The following BOD1 variants were observed in gnomAD, a reference collection of about 807,000 sequenced individuals.
The protein encoded by BOD1 is biorientation of chromosomes in cell division protein 1.
Under a neutral mutation model 15.7 loss-of-function variants are expected in BOD1, and 11 were observed. That is an observed-to-expected ratio of 0.70 (90% CI 0.44 to 1.16). The LOEUF (loss-of-function observed/expected upper bound fraction) is 1.16. Among genes scored for constraint, BOD1 ranks in the 50% most tolerant of loss-of-function variants. The pLI is 0.00. For missense variants in BOD1, 182 were observed against 244.5 expected (o/e 0.74, Z 1.70); for synonymous variants, 105 against 103.5 (o/e 1.01, Z -0.09).
At position 173,608,135 on chromosome 5, in the gene BOD1, A is replaced by G; in HGVS notation, c.*159T>C. 3 of 858,508 alleles carry G rather than the reference A, an allele frequency of 3.5e-6. No homozygotes were observed. Among genetic ancestry groups the G allele is most frequent in the Admixed American group, 2.0e-5 (1 of 49,980 alleles). The allele number at this position is 858,508 out of a possible 1,614,324, so 53.2% of individuals were successfully genotyped here. ...GACACGGTCAACTCTCCCACTGCCG[A>G]ACTTGCTCCCCTTTCAATCTGGTCA... On this transcript the variant is annotated 3_prime_UTR_variant, in exon 4 of 4. Transcript: ENST00000311086.
intron 2 of BOD1, among the ~76,000 whole-genome samples, chr5:173,612,860 G>A (rs141550721): frequency 3.2e-4 from 48 of 152,336 alleles, no homozygotes; most frequent in African/African-American, 1.1e-3. Context: ...ACTTCAAAGA[G>A]CAGGGAAAAT....
In BOD1 at chr5:173,607,455, C is replaced by T. The variant is rs1037085836; in HGVS notation, c.*839G>A. 8.5e-5 allele frequency: 13 copies of T among 152,172 alleles called. No individual in the cohort carries two copies. The highest frequency in any genetic ancestry group is 3.9e-4 in the Admixed American group (6 of 15,282). 9.4% of individuals were successfully genotyped at this position (152,172 alleles called of 1,614,324 possible). On this transcript the variant is annotated 3_prime_UTR_variant, in exon 4 of 4. Coordinates refer to ENST00000311086, the MANE Select transcript of BOD1 (RefSeq NM_138369.3). ...CTGCCAGTAGATCATGTGTGGTGCA[C>T]AGAGGCAGAAGACAAAGGTTGCCCT...
chr5:173,609,318 T>G lies in BOD1; in HGVS notation c.479A>C (p.Gln160Pro). Residue 160 changes from glutamine (Q) to proline (P), a missense_variant, in exon 3 of 4, where the codon CAG becomes CCG. By Grantham distance (76) the Gln-to-Pro change is moderately conservative. Transcript: ENST00000311086. The part of the protein sequence containing the change: ...ERAIHEFLAA[Q>P]KKAAVPAPPP... The stretch of plus-strand genomic sequence containing the variant: ...GGGTGCTGGCACAGCTGCTTTTTTC[T>G]GGGCCGCCAGGAACTCATGAATTGC... 1 of 1,614,244 alleles carries G rather than the reference T, an allele frequency of 6.2e-7. No individual in the cohort carries two copies. The highest frequency in any genetic ancestry group is 8.5e-7 in the Non-Finnish European group (1 of 1,180,046).
chr5:173,609,600 C>CT, intron 2 of BOD1, 166 bp from the exon 3 acceptor site: 1 of 634,752 alleles, frequency 1.6e-6, no homozygotes, highest in Non-Finnish European at 2.7e-6. Context: ...ACGCTATTTT[C>CT]ACTTTTGAGG....
Position 173,607,748 on chromosome 5 carries a change from C to T in BOD1, c.*546G>A, listed in dbSNP as rs938827051. The T allele has an allele frequency of 6.5e-6, 1 of 153,450 alleles. No individual in the cohort carries two copies. Among genetic ancestry groups the T allele is most frequent in the African/African-American group, 2.4e-5 (1 of 41,442 alleles). 9.5% of individuals were successfully genotyped at this position (153,450 alleles called of 1,614,324 possible). A position where few individuals can be genotyped will look rare whatever the true frequency, so the allele number is the denominator to read the frequency against. On this transcript the variant is annotated 3_prime_UTR_variant, in exon 4 of 4. Coordinates refer to ENST00000311086, the MANE Select transcript of BOD1 (RefSeq NM_138369.3). ...ATGTTTCGTTACAAAGGAAAGGAAA[C>T]TGGCTAGAAGATTCATGTACAAGAA...
chr5:173,607,472 G>C lies in BOD1; in HGVS notation c.*822C>G, dbSNP rs1377729819. The C allele has an allele frequency of 6.6e-6, 1 of 152,156 alleles. No individual in the cohort carries two copies. Among genetic ancestry groups the C allele is most frequent in the Non-Finnish European group, 1.5e-5 (1 of 68,040 alleles). 9.4% of individuals were successfully genotyped at this position (152,156 alleles called of 1,614,324 possible). A position where few individuals can be genotyped will look rare whatever the true frequency, so the allele number is the denominator to read the frequency against. On this transcript the variant is annotated 3_prime_UTR_variant, in exon 4 of 4. Coordinates refer to ENST00000311086, the MANE Select transcript of BOD1 (RefSeq NM_138369.3). ...GTGGTGCACAGAGGCAGAAGACAAA[G>C]GTTGCCCTTCACAGACCTGAGGTTT...
rs749631448 is a variant in BOD1 at position 173,616,413 on chromosome 5, CCCG to C, written c.21_23del (p.Gly9del). 8.3e-5 allele frequency: 128 copies of C among 1,537,108 alleles called. No homozygotes were observed. Among genetic ancestry groups the C allele is most frequent in the Admixed American group, 6.1e-4 (32 of 52,482 alleles). ...CGCCGCCGCCCACCGCGCCAGTTCCCCCGCCGCCGCCGCCGTCCGCCATGGCTG... is the reference window on the plus strand; with the variant it reads ...CGCCGCCGCCCACCGCGCCAGTTCCCCCGCCGCCGCCGTCCGCCATGGCTG... On this transcript the variant is annotated inframe_deletion, in exon 1 of 4. Coordinates refer to ENST00000311086, the MANE Select transcript of BOD1 (RefSeq NM_138369.3).
intron 2 of BOD1, among the ~76,000 whole-genome samples, chr5:173,611,362 T>TCC (rs1277095727): frequency 6.6e-6 from 1 of 152,206 alleles, no homozygotes; most frequent in Non-Finnish European, 1.5e-5. Flanking sequence ...GCCTGCAGTG[T>TCC]CCACCTGGGG....
intron 2 of BOD1, among the ~76,000 whole-genome samples, chr5:173,610,681 C>T (rs1312014148): frequency 3.9e-5 from 6 of 152,172 alleles, no homozygotes; most frequent in Non-Finnish European, 8.8e-5. Context: ...TTTACCAAAC[C>T]ACTTCCTGAG....
At chr5:173,611,489 T>C (rs1475797368) in intron 2 of BOD1, among the ~76,000 whole-genome samples, 2 of 151,974 alleles carry the variant, frequency 1.3e-5, no homozygotes, top group Admixed American at 6.6e-5. Context: ...GCCAAGTTCA[T>C]GTTTTCAGGT....
At chr5:173,610,343 G>A (rs1428735020) in intron 2 of BOD1, among the ~76,000 whole-genome samples, 1 of 152,198 alleles carries the variant, frequency 6.6e-6, no homozygotes, top group East Asian at 1.9e-4. Context: ...GTGGGCAAAT[G>A]GTCTGTCAGG....
chr5:173,607,931 C>T lies in BOD1; in HGVS notation c.*363G>A, dbSNP rs1755245017. The T allele has an allele frequency of 3.6e-6, 1 of 279,228 alleles. No individual in the cohort carries two copies. Among genetic ancestry groups the T allele is most frequent in the Non-Finnish European group, 6.8e-6 (1 of 147,648 alleles). 17.3% of individuals were successfully genotyped at this position (279,228 alleles called of 1,614,324 possible). ...GTCTTTGGGACTGGCTATGTTCTCA[C>T]TGTAGCTTCCGTTTATCCCACAGCA... On this transcript the variant is annotated 3_prime_UTR_variant, in exon 4 of 4. Transcript: ENST00000311086.
At chr5:173,611,361 G>C (rs1397735040) in intron 2 of BOD1, among the ~76,000 whole-genome samples, 1 of 152,242 alleles carries the variant, frequency 6.6e-6, no homozygotes, top group Non-Finnish European at 1.5e-5. Flanking sequence ...GGCCTGCAGT[G>C]TCCACCTGGG....
intron 1 of BOD1, among the ~76,000 whole-genome samples, chr5:173,615,224 T>C (rs976790974): frequency 1.3e-5 from 2 of 152,234 alleles, no homozygotes; most frequent in African/African-American, 2.4e-5. Flanking sequence ...CCTGGTTTAT[T>C]TACATGTCAG....
At chr5:173,613,083 C>T (rs2113337123) in intron 2 of BOD1, 48 bp downstream of exon 2, 1 of 1,516,020 alleles carries the variant, frequency 6.6e-7, no homozygotes, top group Middle Eastern at 1.8e-4. Context: ...TTGTGCATCA[C>T]ACTTGTGATG....
In BOD1 at chr5:173,607,505, A is replaced by C. The variant is rs547030983; in HGVS notation, c.*789T>G. 1 of 152,264 alleles carries C rather than the reference A, an allele frequency of 6.6e-6. No individual in the cohort carries two copies. Among genetic ancestry groups the C allele is most frequent in the African/African-American group, 2.4e-5 (1 of 41,474 alleles). 9.4% of individuals were successfully genotyped at this position (152,264 alleles called of 1,614,324 possible). ...TTCACAGACCTGAGGTTTAAGCTTC[A>C]GCTGAAGCTTCGGAGTAAAAGTATC... On this transcript the variant is annotated 3_prime_UTR_variant, in exon 4 of 4. Coordinates refer to ENST00000311086, the MANE Select transcript of BOD1 (RefSeq NM_138369.3).
chr5:173,616,519 G>A lies in BOD1; in HGVS notation c.-83C>T. The A allele has an allele frequency of 6.8e-7, 1 of 1,473,164 alleles. No homozygotes were observed. Among genetic ancestry groups the A allele is most frequent in the South Asian group, 1.3e-5 (1 of 75,912 alleles). The allele number at this position is 1,473,164 out of a possible 1,614,324, so 91.3% of individuals were successfully genotyped here. The stretch of plus-strand genomic sequence containing the variant: ...GCCTAGAACGTGTAGAGGTGGTGAA[G>A]GGGGCGGTGAAGGAGGAGGGCCCCA... On this transcript the variant is annotated 5_prime_UTR_variant, in exon 1 of 4. Transcript: ENST00000311086.
chr5:173,609,213 C>T (rs1414281120), intron 3 of BOD1, 25 bp downstream of exon 3: 1 of 1,391,256 alleles, frequency 7.2e-7, no homozygotes. Context: ...ATGCATACTC[C>T]TGGACAGAAG....
Position 173,609,445 on chromosome 5 carries a change from CA to C in BOD1, c.363-12del, listed in dbSNP as rs1171195522. 7 of 1,213,964 alleles carry C rather than the reference CA, an allele frequency of 5.8e-6. No homozygotes were observed. Among genetic ancestry groups the C allele is most frequent in the Non-Finnish European group, 7.9e-6 (7 of 890,134 alleles). The allele number at this position is 1,213,964 out of a possible 1,614,324, so 75.2% of individuals were successfully genotyped here. On this transcript the variant is annotated splice_polypyrimidine_tract_variant and intron_variant, in intron 2 of 3. Transcript: ENST00000311086. Reference sequence around the variant, plus strand: ...TCCAACATCCCTGACCTTGTGGAGACAAACAGATCATTCTGTTATTTAGTTC... The same window carrying C: ...TCCAACATCCCTGACCTTGTGGAGACAACAGATCATTCTGTTATTTAGTTC...
Sources: allele counts gnomAD v4.1 joint callset (sites outside exome capture counted in the v4.1 genomes callset), GRCh38; gene constraint gnomAD v4.1.1; transcripts MANE v1.5; gene names NCBI Gene and HGNC (gene_info 2026-07-23, HGNC 2026-07-21).